NRXN3: variants seen among roughly 807,000 people sequenced by gnomAD.
NRXN3 encodes neurexin III.
NRXN3 carries 32 observed loss-of-function variants against 137.6 expected under a neutral mutation model. That is an observed-to-expected ratio of 0.23 (90% CI 0.18 to 0.31). NRXN3 has a LOEUF of 0.31. Among genes scored for constraint, NRXN3 ranks in the 10% least tolerant of loss-of-function variants. NRXN3 has a pLI of 1.00. For missense variants in NRXN3, 1,574 were observed against 2,062.5 expected, an observed-to-expected ratio of 0.76 and a Z score of 4.59; for synonymous variants, 798 against 784.5, an observed-to-expected ratio of 1.02 and a Z score of -0.29.
intron 3 of NRXN3, among the ~76,000 whole-genome samples, chr14:78,288,034 C>T (rs2075370254): frequency 6.6e-6 from 1 of 151,826 alleles, no homozygotes; most frequent in South Asian, 2.1e-4. Flanking sequence ...GGCTGGAGTG[C>T]AGTGGCGCAA....
intron 1 of NRXN3, among the ~76,000 whole-genome samples, chr14:78,201,571 G>A (rs542427340): frequency 6.6e-6 from 1 of 152,206 alleles, no homozygotes; most frequent in Non-Finnish European, 1.5e-5. Context: ...GGAGCAGGGG[G>A]AGCCTGCATC....
intron 4 of NRXN3, among the ~76,000 whole-genome samples, chr14:78,332,271 C>G (rs1428274881): frequency 1.3e-5 from 2 of 151,926 alleles, no homozygotes; most frequent in Admixed American, 6.6e-5. Context: ...CATTGTTGCC[C>G]TCTTTGCCTT....
intron 14 of NRXN3, among the ~76,000 whole-genome samples, chr14:78,975,185 T>C (rs1321334301): frequency 6.6e-6 from 1 of 152,108 alleles, no homozygotes; most frequent in Non-Finnish European, 1.5e-5. Context: ...ATAATTACAA[T>C]GCAAAGTGAA....
Position 78,403,683 on chromosome 14 carries a change from T to G in NRXN3, c.757+105823T>G, listed in dbSNP as rs1018337133. 17 of 984,166 alleles carry G rather than the reference T, an allele frequency of 1.7e-5. No homozygotes were observed. In the African/African-American group the frequency reaches 2.8e-4, roughly 16 times the overall value. 61.0% of individuals were successfully genotyped at this position (984,166 alleles called of 1,614,324 possible). ...AAATCACGAACACCGAGGGCGGTGTTAGGAAGGCAGCTTCCTGCACACTGT... is the reference window on the plus strand; with the variant it reads ...AAATCACGAACACCGAGGGCGGTGTGAGGAAGGCAGCTTCCTGCACACTGT... On this transcript the variant is annotated intron_variant, in intron 4 of 20. Transcript: ENST00000335750.
Position 78,226,148 on chromosome 14 carries a change from C to A in NRXN3, c.-703-16243C>A, listed in dbSNP as rs140421568. ...CCTCCTGATTAGGTGGGATTACAGG[C>A]GCGTGCCACCACGCCCGACTAATTT... is the stretch of plus-strand genomic sequence containing the variant. On this transcript the variant is annotated intron_variant, in intron 1 of 20. Transcript: ENST00000335750. 1.1e-3 allele frequency among the ~76,000 whole-genome samples: 163 copies of A among 152,148 alleles called. 2 individuals carry two copies. In the East Asian group the frequency reaches 0.027, roughly 26 times the overall value.
intron 15 of NRXN3, among the ~76,000 whole-genome samples, chr14:79,453,270 C>T (rs1567168595): frequency 6.6e-6 from 1 of 152,046 alleles, no homozygotes; most frequent in African/African-American, 2.4e-5. Context: ...GGTGCCACTG[C>T]ACTCCAGCCT....
chr14:79,291,635 T>A (rs1408166729), intron 15 of NRXN3, among the ~76,000 whole-genome samples: 2 of 144,850 alleles, frequency 1.4e-5, no homozygotes, highest in Non-Finnish European at 3.0e-5. Context: ...AGTTTGAACC[T>A]GTCCTGTTCA....
intron 8 of NRXN3, among the ~76,000 whole-genome samples, chr14:78,779,697 G>GA (rs1026521378): frequency 3.3e-5 from 5 of 151,584 alleles, no homozygotes; most frequent in South Asian, 2.1e-4. Context: ...ATGTAGAACT[G>GA]AAAAAAAATT....
chr14:78,541,240 T>C (rs1050720394), intron 4 of NRXN3, among the ~76,000 whole-genome samples: 5 of 152,204 alleles, frequency 3.3e-5, no homozygotes, highest in African/African-American at 1.2e-4. Context: ...CCCCATCACT[T>C]TCAGGGAAAC....
chr14:78,410,010 A>G (rs915004783), intron 4 of NRXN3, among the ~76,000 whole-genome samples: 5 of 152,152 alleles, frequency 3.3e-5, no homozygotes, highest in African/African-American at 1.2e-4. Context: ...TGATCACAAA[A>G]TTGATGCAGC....
At chr14:78,263,968 G>A (rs1416434706) in intron 2 of NRXN3, among the ~76,000 whole-genome samples, 1 of 149,788 alleles carries the variant, frequency 6.7e-6, no homozygotes, top group Non-Finnish European at 1.5e-5. Context: ...AGTTTTTGCA[G>A]TTTGAAAAAC....
chr14:79,682,227 G>A (rs908085356), intron 17 of NRXN3, among the ~76,000 whole-genome samples: 13 of 152,076 alleles, frequency 8.5e-5, no homozygotes, highest in Admixed American at 1.3e-4. Context: ...CAGCCCCCAT[G>A]CTGATCCATA....
chr14:79,352,681 A>G (rs986624369), intron 15 of NRXN3, among the ~76,000 whole-genome samples: 3 of 152,134 alleles, frequency 2.0e-5, no homozygotes, highest in Non-Finnish European at 4.4e-5. Flanking sequence ...GACCAATAAT[A>G]ATAACAGCTA....
intron 15 of NRXN3, among the ~76,000 whole-genome samples, chr14:79,370,755 TTTC>T (rs2094078292): frequency 6.6e-6 from 1 of 152,190 alleles, no homozygotes; most frequent in South Asian, 2.1e-4. Context: ...TCTAATAAAC[TTTC>T]TTCTTCTTTT....
chr14:79,308,841 A>G (rs1294937349), intron 15 of NRXN3, among the ~76,000 whole-genome samples: 3 of 75,448 alleles, frequency 4.0e-5, no homozygotes, highest in African/African-American at 1.7e-4. Context: ...ACAGGGAAGC[A>G]TTCTTTTTTT....
At position 79,078,146 on chromosome 14, in the gene NRXN3, C is replaced by T. The variant is rs1352456405; in HGVS notation, c.3262+90005C>T. ...ACTTGAAAGATGCCTAGGATTTCTA[C>T]TGCTGCTCTTAGAATCACAGGATCT... is the stretch of plus-strand genomic sequence containing the variant. On this transcript the variant is annotated intron_variant, in intron 15 of 20. Transcript: ENST00000335750. 2.6e-5 allele frequency among the ~76,000 whole-genome samples: 4 copies of T among 152,080 alleles called. No individual in the cohort carries two copies. The East Asian group carries it at 5.8e-4, about 22-fold the overall frequency.
At chr14:78,220,029 A>T (rs147689188) in intron 1 of NRXN3, among the ~76,000 whole-genome samples, 1 of 152,196 alleles carries the variant, frequency 6.6e-6, no homozygotes, top group African/African-American at 2.4e-5. Flanking sequence ...AATTGATTGG[A>T]TGTGACAGTG....
intron 15 of NRXN3, among the ~76,000 whole-genome samples, chr14:79,186,316 AT>A (rs1381976251): frequency 3.3e-5 from 5 of 152,230 alleles, no homozygotes; most frequent in African/African-American, 9.6e-5. Flanking sequence ...AAATTTTAAA[AT>A]TTTGCTTTAC....
intron 15 of NRXN3, among the ~76,000 whole-genome samples, chr14:79,274,986 G>T (rs2080058467): frequency 6.6e-6 from 1 of 152,112 alleles, no homozygotes; most frequent in South Asian, 2.1e-4. Context: ...ATGTCTAAAA[G>T]AATAAAGCTT....
Sources: gnomAD v4.1 joint callset for allele counts (sites outside exome capture counted in the v4.1 genomes callset) on GRCh38, gnomAD v4.1.1 for gene constraint, MANE v1.5 for transcripts, NCBI Gene and HGNC (gene_info 2026-07-23, HGNC 2026-07-21) for gene names.